Variants in NFE2L2 observed in about 807,000 individuals in gnomAD.
NFE2L2 encodes the protein nuclear factor erythroid 2-related factor 2.
NFE2L2 carries 20 observed loss-of-function variants against 49.6 expected under a neutral mutation model. The observed-to-expected ratio is 0.40, with a 90% CI of 0.28 to 0.59. The LOEUF (loss-of-function observed/expected upper bound fraction) is 0.59. NFE2L2 is among the 20% of genes least tolerant of loss of function. The pLI is 0.40. For synonymous variants in NFE2L2, 244 were observed against 256.5 expected (o/e 0.95, Z 0.47); for missense variants, 578 against 714.2 (o/e 0.81, Z 2.17).
intron 1 of NFE2L2, among the ~76,000 whole-genome samples, chr2:177,240,151 G>C (rs1229834300): frequency 6.6e-6 from 1 of 152,156 alleles, no homozygotes; most frequent in Admixed American, 6.5e-5. Flanking sequence ...TAATCGTCTG[G>C]GTGGAGCCCA....
In NFE2L2 at chr2:177,234,103, C is replaced by T. The variant is rs1135118; in HGVS notation, c.214G>A (p.Ala72Thr). ...GTCTCTTCATCTAGTTGTAACTGAG[C>T]GAAAAAGGCTTTCTCTTGCTCCTTT... ...LQKEQEKAFF[A>T]QLQLDEETGE... Residue 72 changes from alanine to threonine, a missense_variant, in exon 2 of 5, where the codon GCT becomes ACT. Physicochemically the swap from Ala to Thr is moderately conservative, Grantham distance 58. This residue lies in a region of NFE2L2 where 93 missense variants were observed against 153.9 expected (regional missense o/e 0.60). Transcript: ENST00000397062. 40 of 1,613,964 alleles carry T rather than the reference C, an allele frequency of 2.5e-5. No individual in the cohort carries two copies. Among genetic ancestry groups the T allele is most frequent in the Non-Finnish European group, 3.1e-5 (37 of 1,180,018 alleles).
chr2:177,251,587 GT>G (rs1690341188), intron 1 of NFE2L2, among the ~76,000 whole-genome samples: 1 of 152,166 alleles, frequency 6.6e-6, no homozygotes, highest in African/African-American at 2.4e-5. Context: ...TATGGGGTTG[GT>G]TTTCTGTCTC....
At chr2:177,236,831 G>A (rs570353334) in intron 1 of NFE2L2, among the ~76,000 whole-genome samples, 10 of 151,686 alleles carry the variant, frequency 6.6e-5, no homozygotes, top group East Asian at 3.9e-4. Flanking sequence ...TTATTTTTTC[G>A]GGTTTTTTTT....
chr2:177,258,885 A>C (rs1435117449), intron 1 of NFE2L2, among the ~76,000 whole-genome samples: 2 of 152,256 alleles, frequency 1.3e-5, no homozygotes, highest in African/African-American at 2.4e-5. Flanking sequence ...CAGGCCCTAA[A>C]GTCTCAGTTC....
At chr2:177,259,306 A>G (rs1690642841) in intron 1 of NFE2L2, among the ~76,000 whole-genome samples, 1 of 152,046 alleles carries the variant, frequency 6.6e-6, no homozygotes, top group Admixed American at 6.6e-5. Context: ...TGTCTCAAAA[A>G]AAAAAGACGA....
At chr2:177,250,241 G>T (rs558484801) in intron 1 of NFE2L2, among the ~76,000 whole-genome samples, 1 of 152,218 alleles carries the variant, frequency 6.6e-6, no homozygotes, top group African/African-American at 2.4e-5. Flanking sequence ...AGAATGGATA[G>T]AAGTGAGAGG....
intron 1 of NFE2L2, among the ~76,000 whole-genome samples, chr2:177,264,056 C>T (rs1690846563): frequency 6.6e-6 from 1 of 152,162 alleles, no homozygotes; most frequent in East Asian, 1.9e-4. Flanking sequence ...ACCTCAGTTC[C>T]CCCGAGAGCG....
At chr2:177,233,948 T>C (rs1429832117) in intron 2 of NFE2L2, 57 bp downstream of exon 2, 1 of 1,594,618 alleles carries the variant, frequency 6.3e-7, no homozygotes. Context: ...TTTTAATTCC[T>C]TGCTCAGTGT....
intron 1 of NFE2L2, among the ~76,000 whole-genome samples, chr2:177,245,273 C>T (rs1690086024): frequency 6.6e-6 from 1 of 152,120 alleles, no homozygotes; most frequent in Non-Finnish European, 1.5e-5. Context: ...CCACAGGAAT[C>T]ACCCAGACAG....
At chr2:177,233,984 C>T in intron 2 of NFE2L2, 21 bp downstream of exon 2, 2 of 1,613,086 alleles carry the variant, frequency 1.2e-6, no homozygotes, top group Non-Finnish European at 1.7e-6. Context: ...ATAACTTTCC[C>T]AAGAACTGAG....
intron 1 of NFE2L2, among the ~76,000 whole-genome samples, chr2:177,249,982 C>T (rs1333820100): frequency 3.3e-5 from 5 of 152,162 alleles, no homozygotes; most frequent in African/African-American, 4.8e-5. Context: ...CCAAACTCTT[C>T]GGTTTTGCAA....
chr2:177,243,205 T>A (rs1488785260), intron 1 of NFE2L2, among the ~76,000 whole-genome samples: 3 of 152,068 alleles, frequency 2.0e-5, no homozygotes, highest in Non-Finnish European at 2.9e-5. Flanking sequence ...AACAGAAACT[T>A]CAGGAACATT....
chr2:177,250,555 T>C (rs1053528100), intron 1 of NFE2L2, among the ~76,000 whole-genome samples: 2 of 152,240 alleles, frequency 1.3e-5, no homozygotes, highest in South Asian at 4.1e-4. Context: ...CTCCTTCATA[T>C]GCACACCAAT....
chr2:177,261,429 C>G (rs1690736077), intron 1 of NFE2L2, among the ~76,000 whole-genome samples: 1 of 152,182 alleles, frequency 6.6e-6, no homozygotes, highest in Non-Finnish European at 1.5e-5. Context: ...AACTTACCCA[C>G]TTTTTAAAGT....
At position 177,259,780 on chromosome 2, in the gene NFE2L2, A is replaced by G. The variant is rs112899296; in HGVS notation, c.45+4752T>C. Among the ~76,000 whole-genome samples the G allele has an allele frequency of 5.2e-3, 797 of 152,088 alleles. 8 individuals carry two copies. The highest frequency in any genetic ancestry group is 0.018 in the African/African-American group (756 of 41,462). Reference sequence around the variant, plus strand: ...ACCCCATCTCTACTAAAAATACAAAAAATTAGCCAGGCGTGGTGGCGGGTG... The same window carrying G: ...ACCCCATCTCTACTAAAAATACAAAGAATTAGCCAGGCGTGGTGGCGGGTG... On this transcript the variant is annotated intron_variant, in intron 1 of 4. Transcript: ENST00000397062.
chr2:177,252,028 T>G (rs972784233), intron 1 of NFE2L2, among the ~76,000 whole-genome samples: 6 of 151,790 alleles, frequency 4.0e-5, no homozygotes, highest in Non-Finnish European at 7.4e-5. Context: ...GGGATTTTTT[T>G]CAAGAAGAAA....
chr2:177,236,513 G>A (rs1050188327), intron 1 of NFE2L2, among the ~76,000 whole-genome samples: 22 of 152,162 alleles, frequency 1.4e-4, no homozygotes, highest in African/African-American at 4.6e-4. Flanking sequence ...TTTACATATA[G>A]AAACTATTCC....
Position 177,234,146 on chromosome 2 carries a change from T to C in NFE2L2, c.171A>G (p.Glu57=), listed in dbSNP as rs377620960. The change falls in exon 2 of 5, where the codon GAA becomes GAG. Residue 57 remains glutamate (E), a synonymous_variant. Transcript: ENST00000397062. ...ELEKQKKLEK[E]RQEQLQKEQE... ...GCTCCTTTTGGAGTTGTTCTTGTCT[T>C]TCCTTTTCAAGTTTTTTCTGTTTTT... 400 of 1,614,234 alleles carry C rather than the reference T, an allele frequency of 2.5e-4. 2 individuals are homozygous for C. In the South Asian group the frequency reaches 4.1e-3, roughly 17 times the overall value.
intron 1 of NFE2L2, among the ~76,000 whole-genome samples, chr2:177,261,175 A>AAAAC (rs1690722740): frequency 6.6e-6 from 1 of 151,154 alleles, no homozygotes; most frequent in African/African-American, 2.4e-5. Flanking sequence ...CATCTCAAAA[A>AAAAC]AAAAAAAAAA....
Sources: gnomAD v4.1 joint callset for allele counts (sites outside exome capture counted in the v4.1 genomes callset) on GRCh38, gnomAD v4.1.1 for gene constraint, gnomAD v4.1.1 regional missense constraint, MANE v1.5 for transcripts, NCBI Gene and HGNC (gene_info 2026-07-23, HGNC 2026-07-21) for gene names.